The following CYTH3 variants were observed in gnomAD, a reference collection of about 807,000 sequenced individuals.
CYTH3 encodes cytohesin 3.
Under a neutral mutation model 55.1 loss-of-function variants are expected in CYTH3, and 23 were observed. The ratio of observed to expected loss-of-function variants is 0.42; its 90% CI spans 0.30 to 0.59. The LOEUF is 0.59. CYTH3 is among the 20% of genes least tolerant of loss of function. The probability of loss-of-function intolerance (pLI) is 0.20; values close to 1 mark genes in which losing one functional copy is unlikely to be tolerated. For missense variants in CYTH3, 413 were observed against 524.8 expected, an observed-to-expected ratio of 0.79 and a Z score of 2.08; for synonymous variants, 249 against 194.9, an observed-to-expected ratio of 1.28 and a Z score of -2.31.
chr7:6,258,731 C>T (rs1392864690), intron 1 of CYTH3, among the ~76,000 whole-genome samples: 2 of 152,164 alleles, frequency 1.3e-5, no homozygotes, highest in Non-Finnish European at 2.9e-5. Context: ...ATCTACATCC[C>T]ATTTTATGGT....
chr7:6,174,396 T>G (rs1783278698), intron 5 of CYTH3, among the ~76,000 whole-genome samples: 1 of 152,148 alleles, frequency 6.6e-6, no homozygotes, highest in Admixed American at 6.5e-5. Context: ...ATTACAGGTG[T>G]GAGCCACGGC....
At chr7:6,267,494 GCATAT>G (rs1352488845) in intron 1 of CYTH3, among the ~76,000 whole-genome samples, 1 of 152,132 alleles carries the variant, frequency 6.6e-6, no homozygotes, top group African/African-American at 2.4e-5. Context: ...ACCTTACATT[GCATAT>G]CACATTATCT....
intron 1 of CYTH3, among the ~76,000 whole-genome samples, chr7:6,193,742 C>T (rs528770610): frequency 2.0e-5 from 3 of 152,282 alleles, no homozygotes; most frequent in African/African-American, 7.2e-5. Context: ...TCTCCCACGC[C>T]ACGGAAGACT....
chr7:6,247,635 A>G (rs1779854779), intron 1 of CYTH3, among the ~76,000 whole-genome samples: 1 of 151,868 alleles, frequency 6.6e-6, no homozygotes, highest in African/African-American at 2.4e-5. Context: ...CAGCTCTTTC[A>G]TTTCACTTTA....
chr7:6,272,410 G>GGGGGGGGGCCCCCC, intron 1 of CYTH3, 64 bp downstream of exon 1: 2 of 1,216,614 alleles, frequency 1.6e-6, no homozygotes, highest in South Asian at 2.0e-5. Flanking sequence ...CCGCGCCCTC[G>GGGGGGGGGCCCCCC]ACCCCCAGCC....
chr7:6,225,667 A>T (rs1398366055), intron 1 of CYTH3, among the ~76,000 whole-genome samples: 2 of 142,048 alleles, frequency 1.4e-5, no homozygotes, highest in African/African-American at 2.6e-5. Context: ...GAAAATATAT[A>T]TTTTTTTGAA....
intron 4 of CYTH3, among the ~76,000 whole-genome samples, chr7:6,185,528 C>G (rs189794671): frequency 2.3e-4 from 35 of 151,792 alleles, no homozygotes; most frequent in African/African-American, 4.6e-4. Context: ...AACCCCGTCT[C>G]TACTAAAAAA....
intron 1 of CYTH3, among the ~76,000 whole-genome samples, chr7:6,233,212 T>C (rs1463182502): frequency 6.6e-6 from 1 of 152,142 alleles, no homozygotes; most frequent in Non-Finnish European, 1.5e-5. Flanking sequence ...ACATCTCCAA[T>C]AGGACTGCAG....
At chr7:6,187,808 G>A (rs746359369) in intron 2 of CYTH3, 87 bp from the exon 3 acceptor site, 137 of 1,074,466 alleles carry the variant, frequency 1.3e-4, no homozygotes, top group Non-Finnish European at 1.9e-4. Context: ...CTTGTGACAA[G>A]CTTCCCTGCG....
chr7:6,256,386 T>C (rs1395689799), intron 1 of CYTH3, among the ~76,000 whole-genome samples: 1 of 152,250 alleles, frequency 6.6e-6, no homozygotes, highest in East Asian at 1.9e-4. Flanking sequence ...AGTGGACTTC[T>C]CTCTGAAGAC....
At chr7:6,263,201 ATT>A (rs34180826) in intron 1 of CYTH3, among the ~76,000 whole-genome samples, 1 of 152,184 alleles carries the variant, frequency 6.6e-6, no homozygotes, top group African/African-American at 2.4e-5. Context: ...TAAAATATAT[ATT>A]TTGTCACTAT....
Position 6,187,045 on chromosome 7 carries a change from C to G in CYTH3, c.249+5G>C, listed in dbSNP as rs750287877. The stretch of plus-strand genomic sequence containing the variant: ...CAGGCCAGAAAAGGGAGAGCATTCT[C>G]TTACCTTTTTGGGATCCATGTTGAA... On this transcript the variant is annotated splice_donor_5th_base_variant and intron_variant, in intron 4 of 12. Coordinates refer to ENST00000350796, the MANE Select transcript of CYTH3 (RefSeq NM_004227.4). 13 of 1,613,424 alleles carry G rather than the reference C, an allele frequency of 8.1e-6. No homozygotes were observed. Among genetic ancestry groups the G allele is most frequent in the Admixed American group, 1.7e-5 (1 of 59,998 alleles).
intron 1 of CYTH3, among the ~76,000 whole-genome samples, chr7:6,206,442 G>C (rs1296662155): frequency 2.0e-5 from 3 of 152,186 alleles, no homozygotes; most frequent in African/African-American, 7.2e-5. Flanking sequence ...TCAAAACAGT[G>C]GGTAATCTGG....
At chr7:6,230,296 G>A (rs1779359624) in intron 1 of CYTH3, among the ~76,000 whole-genome samples, 1 of 152,120 alleles carries the variant, frequency 6.6e-6, no homozygotes, top group African/African-American at 2.4e-5. Context: ...TAACATTGGT[G>A]CCTCAGCTGG....
intron 1 of CYTH3, among the ~76,000 whole-genome samples, chr7:6,219,248 C>T (rs1030756653): frequency 1.3e-5 from 2 of 152,072 alleles, no homozygotes; most frequent in African/African-American, 4.8e-5. Context: ...AAAAGCAGAA[C>T]GTGTAAGTGA....
chr7:6,255,401 G>C (rs547395185), intron 1 of CYTH3, among the ~76,000 whole-genome samples: 46 of 152,316 alleles, frequency 3.0e-4, no homozygotes, highest in African/African-American at 1.1e-3. Context: ...ATAGCAAACA[G>C]GGAAAAGTTC....
chr7:6,223,472 A>G (rs1779144249), intron 1 of CYTH3, among the ~76,000 whole-genome samples: 1 of 152,206 alleles, frequency 6.6e-6, no homozygotes, highest in Non-Finnish European at 1.5e-5. Flanking sequence ...AGGAGACATC[A>G]TTTTGTTCTG....
intron 1 of CYTH3, among the ~76,000 whole-genome samples, chr7:6,250,010 C>A (rs1779920798): frequency 6.6e-6 from 1 of 152,186 alleles, no homozygotes; most frequent in South Asian, 2.1e-4. Context: ...AACTTCTCCC[C>A]ACTTGCCCCC....
intron 1 of CYTH3, among the ~76,000 whole-genome samples, chr7:6,223,565 T>G (rs1239976336): frequency 1.3e-5 from 2 of 152,144 alleles, no homozygotes; most frequent in Non-Finnish European, 2.9e-5. Flanking sequence ...ACATGTGCTG[T>G]GTCAACTCAG....
Sources: gnomAD v4.1 joint callset for allele counts (sites outside exome capture counted in the v4.1 genomes callset) on GRCh38, gnomAD v4.1.1 for gene constraint, MANE v1.5 for transcripts, NCBI Gene and HGNC (gene_info 2026-07-23, HGNC 2026-07-21) for gene names.